ITIH5: variants seen among roughly 807,000 people sequenced by gnomAD.
The protein encoded by ITIH5 is inter-alpha-trypsin inhibitor heavy chain 5, also known as inter-alpha-trypsin inhibitor heavy chain H5.
In ITIH5, 65 loss-of-function variants were observed where a neutral mutation model predicts 77.5. The ratio of observed to expected loss-of-function variants is 0.84; its 90% CI spans 0.69 to 1.03. The LOEUF is 1.03. ITIH5 is among the 50% of genes least tolerant of loss of function. ITIH5 has a pLI of 0.00. For synonymous variants in ITIH5, 525 were observed against 494.3 expected (o/e 1.06, Z -0.82); for missense variants, 1,208 against 1,213.1 (o/e 1.00, Z 0.06).
At chr10:7,664,521 A>AT (rs1834331152) in intron 1 of ITIH5, among the ~76,000 whole-genome samples, 1 of 152,210 alleles carries the variant, frequency 6.6e-6, no homozygotes, top group African/African-American at 2.4e-5. Context: ...TGAATGTTTA[A>AT]TGAACACCCC....
chr10:7,584,301 T>TTC (rs1832627636), intron 8 of ITIH5, among the ~76,000 whole-genome samples: 1 of 110,688 alleles, frequency 9.0e-6, no homozygotes, highest in Non-Finnish European at 2.0e-5. Flanking sequence ...CTTTCTTTCT[T>TTC]TTTTTTTTCT....
intron 11 of ITIH5, among the ~76,000 whole-genome samples, chr10:7,571,146 T>C (rs1191854866): frequency 6.6e-6 from 1 of 152,166 alleles, no homozygotes; most frequent in Non-Finnish European, 1.5e-5. Context: ...TCAACTTCCC[T>C]GAAAATTGCA....
chr10:7,580,130 C>CT (rs1381949918), intron 8 of ITIH5, 66 bp from the exon 9 acceptor site: 209 of 1,364,600 alleles, frequency 1.5e-4, no homozygotes, highest in Admixed American at 1.9e-4. Context: ...ATTGCACTTT[C>CT]TTTTTTTTGA....
intron 7 of ITIH5, among the ~76,000 whole-genome samples, chr10:7,613,603 A>G (rs1931902): frequency 0.68 from 102,940 of 152,028 alleles, 35,130 homozygotes; most frequent in East Asian, 0.91. Context: ...TCCCAGTAAG[A>G]ACTAAAAAAG....
At chr10:7,644,405 CACATAT>C (rs1833941868) in intron 2 of ITIH5, among the ~76,000 whole-genome samples, 1 of 141,698 alleles carries the variant, frequency 7.1e-6, no homozygotes, top group Non-Finnish European at 1.5e-5. Flanking sequence ...TCACATATAT[CACATAT>C]ATCATATATA....
intron 7 of ITIH5, among the ~76,000 whole-genome samples, chr10:7,599,111 G>A: frequency 6.6e-6 from 1 of 152,150 alleles, no homozygotes; most frequent in Non-Finnish European, 1.5e-5. Context: ...GACATAGTAG[G>A]CAAATCCATT....
At chr10:7,644,615 CAT>C (rs1374518712) in intron 2 of ITIH5, among the ~76,000 whole-genome samples, 2,146 of 96,538 alleles carry the variant, frequency 0.022, 107 homozygotes, top group African/African-American at 0.055. Context: ...ACATATATCA[CAT>C]ATATATCACA....
At position 7,569,717 on chromosome 10, in the gene ITIH5, A is replaced by G; in HGVS notation, c.2100T>C (p.Asp700=). 1 of 1,613,346 alleles carries G rather than the reference A, an allele frequency of 6.2e-7. No homozygotes were observed. Among genetic ancestry groups the G allele is most frequent in the Non-Finnish European group, 8.5e-7 (1 of 1,179,762 alleles). Residue 700 remains aspartate (D), a synonymous_variant, in exon 12 of 14, where the codon GAT becomes GAC. Coordinates refer to ENST00000397146, the MANE Select transcript of ITIH5 (RefSeq NM_030569.7). ...LSRLTVCFNI[D]GQPGDILRLV... ...GCCTGAGGATGTCCCCGGGCTGCCC[A>G]TCAATGTTGAAGCACACGGTGAGTC...
chr10:7,664,506 G>A (rs992187917), intron 1 of ITIH5, among the ~76,000 whole-genome samples: 1 of 152,080 alleles, frequency 6.6e-6, no homozygotes, highest in Non-Finnish European at 1.5e-5. Flanking sequence ...TGGAACTCAG[G>A]AAGCTGAATG....
At chr10:7,650,089 T>A (rs1428682452) in intron 2 of ITIH5, among the ~76,000 whole-genome samples, 1 of 152,174 alleles carries the variant, frequency 6.6e-6, no homozygotes, top group African/African-American at 2.4e-5. Flanking sequence ...TCTTAATTGC[T>A]CAAGGGACCC....
chr10:7,658,775 G>A (rs1027419232), intron 1 of ITIH5, among the ~76,000 whole-genome samples: 7 of 152,094 alleles, frequency 4.6e-5, no homozygotes, highest in Non-Finnish European at 8.8e-5. Flanking sequence ...AGAGGTTGTG[G>A]AGACCAAAAT....
intron 7 of ITIH5, among the ~76,000 whole-genome samples, chr10:7,596,404 C>T (rs1176515338): frequency 6.6e-6 from 1 of 152,152 alleles, no homozygotes; most frequent in Non-Finnish European, 1.5e-5. Flanking sequence ...CAGCTGCGGC[C>T]CACGGCTTCC....
At chr10:7,590,037 G>GC (rs5782984) in intron 7 of ITIH5, among the ~76,000 whole-genome samples, 42,964 of 151,416 alleles carry the variant, frequency 0.28, 6,417 homozygotes, top group East Asian at 0.49. Flanking sequence ...ATCGTCATCT[G>GC]TGAACTTCCA....
intron 10 of ITIH5, 106 bp from the exon 11 acceptor site, chr10:7,573,301 G>T (rs17142813): frequency 7.0e-6 from 6 of 854,396 alleles, no homozygotes; most frequent in Non-Finnish European, 1.2e-5. Context: ...TTTTAGGTAC[G>T]TTTGTAACAG....
intron 4 of ITIH5, among the ~76,000 whole-genome samples, chr10:7,637,730 C>T (rs1221703159): frequency 6.6e-6 from 1 of 152,202 alleles, no homozygotes; most frequent in African/African-American, 2.4e-5. Context: ...TGTCCTACCT[C>T]TCCCTGAGAC....
chr10:7,603,850 T>G (rs191976358), intron 7 of ITIH5, among the ~76,000 whole-genome samples: 70 of 152,328 alleles, frequency 4.6e-4, no homozygotes, highest in African/African-American at 1.6e-3. Flanking sequence ...CCCAAAGTGC[T>G]GGGATTACAG....
chr10:7,646,205 TA>T (rs917833623), intron 2 of ITIH5, among the ~76,000 whole-genome samples: 3 of 152,250 alleles, frequency 2.0e-5, no homozygotes, highest in South Asian at 2.1e-4. Flanking sequence ...ATCAATGCTT[TA>T]AAAAAAATCC....
At chr10:7,613,876 G>C (rs916800591) in intron 7 of ITIH5, among the ~76,000 whole-genome samples, 1 of 152,098 alleles carries the variant, frequency 6.6e-6, no homozygotes, top group Non-Finnish European at 1.5e-5. Flanking sequence ...GTCCAGCTTC[G>C]TGCCATTTGG....
chr10:7,588,395 G>A (rs1220671214), intron 7 of ITIH5, among the ~76,000 whole-genome samples: 1 of 152,194 alleles, frequency 6.6e-6, no homozygotes, highest in Non-Finnish European at 1.5e-5. Flanking sequence ...TGGCCCACCT[G>A]TAATCCCAGC....
Sources: gnomAD v4.1 joint callset for allele counts (sites outside exome capture counted in the v4.1 genomes callset) on GRCh38, gnomAD v4.1.1 for gene constraint, MANE v1.5 for transcripts, NCBI Gene and HGNC (gene_info 2026-07-23, HGNC 2026-07-21) for gene names.